KAZN: variants seen among roughly 807,000 people sequenced by gnomAD.
The protein encoded by KAZN is kazrin, periplakin interacting protein.
In KAZN, 40 loss-of-function variants were observed where a neutral mutation model predicts 87.4. The observed-to-expected ratio is 0.46, with a 90% CI of 0.36 to 0.60. The LOEUF is 0.60. Among genes scored for constraint, KAZN ranks in the 20% least tolerant of loss-of-function variants. KAZN has a pLI of 0.00. For synonymous variants in KAZN, 466 were observed against 458.3 expected (o/e 1.02, Z -0.22); for missense variants, 898 against 1,073.9 (o/e 0.84, Z 2.29).
intron 1 of KAZN, among the ~76,000 whole-genome samples, chr1:14,759,301 C>T (rs1017302680): frequency 3.3e-5 from 5 of 152,018 alleles, no homozygotes; most frequent in African/African-American, 9.7e-5. Context: ...TTGGTAGTGC[C>T]GTGGCTATGT....
At chr1:14,246,000 A>C (rs1649469190) in intron 2 of KAZN, among the ~76,000 whole-genome samples, 1 of 152,256 alleles carries the variant, frequency 6.6e-6, no homozygotes, top group East Asian at 1.9e-4. Context: ...TAATGTAGCC[A>C]TAAAAAGGAA....
chr1:14,637,765 A>G (rs907779436), intron 1 of KAZN, among the ~76,000 whole-genome samples: 1 of 151,738 alleles, frequency 6.6e-6, no homozygotes, highest in African/African-American at 2.4e-5. Flanking sequence ...ATATGTATAG[A>G]TGTACATATA....
At chr1:14,049,838 A>G (rs1172807560) in intron 1 of KAZN, among the ~76,000 whole-genome samples, 1 of 152,222 alleles carries the variant, frequency 6.6e-6, no homozygotes, top group East Asian at 1.9e-4. Context: ...AAGAAGCCAG[A>G]CATTGATCAA....
chr1:13,926,070 GT>G (rs201075672), intron 1 of KAZN, among the ~76,000 whole-genome samples: 1 of 151,824 alleles, frequency 6.6e-6, no homozygotes, highest in Admixed American at 6.6e-5. Flanking sequence ...CTCTCCCTTT[GT>G]TTTTTTTCAT....
At chr1:14,867,302 T>G (rs1557570607) in intron 1 of KAZN, among the ~76,000 whole-genome samples, 1 of 152,116 alleles carries the variant, frequency 6.6e-6, no homozygotes, top group African/African-American at 2.4e-5. Flanking sequence ...GGAGATTTAT[T>G]TTGCACTGAG....
At chr1:14,816,495 A>T (rs1646567575) in intron 1 of KAZN, among the ~76,000 whole-genome samples, 2 of 152,094 alleles carry the variant, frequency 1.3e-5, no homozygotes, top group Admixed American at 1.3e-4. Flanking sequence ...GAAGCTTCCC[A>T]TGGTTCTTTG....
chr1:13,969,488 A>C (rs1642062516), intron 1 of KAZN, among the ~76,000 whole-genome samples: 1 of 152,194 alleles, frequency 6.6e-6, no homozygotes, highest in Non-Finnish European at 1.5e-5. Context: ...CTGGAAGCTA[A>C]GTGAGAGGCA....
At chr1:14,799,884 A>AT (rs1409768474) in intron 1 of KAZN, among the ~76,000 whole-genome samples, 1 of 152,174 alleles carries the variant, frequency 6.6e-6, no homozygotes. Context: ...CCTTGAGTTC[A>AT]TTTTTATATC....
intron 2 of KAZN, among the ~76,000 whole-genome samples, chr1:15,019,411 CAG>C (rs1220490052): frequency 3.3e-5 from 5 of 152,280 alleles, no homozygotes; most frequent in Non-Finnish European, 5.9e-5. Flanking sequence ...TTCTTTGAGA[CAG>C]AGTCTTGCTC....
chr1:14,179,270 T>C (rs975615031), intron 1 of KAZN, among the ~76,000 whole-genome samples: 1 of 152,206 alleles, frequency 6.6e-6, no homozygotes, highest in African/African-American at 2.4e-5. Flanking sequence ...AGCTCCTTAA[T>C]TCAGTGACAT....
At chr1:14,007,260 A>G (rs1557777995) in intron 1 of KAZN, among the ~76,000 whole-genome samples, 1 of 152,156 alleles carries the variant, frequency 6.6e-6, no homozygotes, top group Non-Finnish European at 1.5e-5. Context: ...GGTTTTCCAT[A>G]TATAGGATTA....
intron 2 of KAZN, among the ~76,000 whole-genome samples, chr1:14,339,088 CAGAGAGAGACAGAGACTG>C (rs149988321): frequency 0.02 from 2,972 of 152,060 alleles, 41 homozygotes; most frequent in Middle Eastern, 0.041. Context: ...TCAGACGTAA[CAGAGAGAGACAGAGACTG>C]AGAGAGAGAC....
intron 2 of KAZN, among the ~76,000 whole-genome samples, chr1:14,456,496 A>G (rs1345860979): frequency 2.0e-5 from 3 of 152,160 alleles, no homozygotes; most frequent in Non-Finnish European, 2.9e-5. Flanking sequence ...TGGCATGTAT[A>G]GATTTTTAAT....
chr1:14,476,441 G>T (rs1175140535), intron 2 of KAZN, among the ~76,000 whole-genome samples: 1 of 152,158 alleles, frequency 6.6e-6, no homozygotes, highest in African/African-American at 2.4e-5. Context: ...AAGTGAGGGC[G>T]ACCTTTATTA....
chr1:14,293,401 C>T (rs1443945270), intron 2 of KAZN, among the ~76,000 whole-genome samples: 1 of 152,128 alleles, frequency 6.6e-6, no homozygotes, highest in Non-Finnish European at 1.5e-5. Flanking sequence ...CTTCTTCTTC[C>T]TCTGCCTCTT....
At chr1:15,033,984 C>G (rs2100208205) in intron 2 of KAZN, among the ~76,000 whole-genome samples, 1 of 152,358 alleles carries the variant, frequency 6.6e-6, no homozygotes, top group South Asian at 2.1e-4. Flanking sequence ...AAGTGATCGG[C>G]CTGCCTCAGC....
intron 1 of KAZN, among the ~76,000 whole-genome samples, chr1:13,955,928 G>T (rs979279569): frequency 2.8e-4 from 43 of 152,140 alleles, no homozygotes; most frequent in Non-Finnish European, 1.5e-5. Flanking sequence ...TGATTGTAGA[G>T]TCACGCCAGT....
rs555114546 is a variant in KAZN, at chr1:13,963,417, G to A, written c.91+69661G>A. ...TGTTGGATCCAAATCCTCTAGCTAC[G>A]TTGCTGGCTGTGTCCTTATTTAGTT... On this transcript the variant is annotated intron_variant, in intron 1 of 16. Coordinates refer to the KAZN transcript ENST00000636203. 1.8e-4 allele frequency among the ~76,000 whole-genome samples: 27 copies of A among 152,202 alleles called. 1 individual carries two copies. Among genetic ancestry groups the A allele is most frequent in the African/African-American group, 2.9e-4 (12 of 41,444 alleles).
In KAZN at chr1:14,265,883, G is replaced by T. The variant is rs1172755572; in HGVS notation, c.249+85291G>T. On this transcript the variant is annotated intron_variant, in intron 2 of 16. Transcript: ENST00000636203. Reference sequence around the variant, plus strand: ...TTTCCATCTCTCATTGAACTAATTGGAGAGTAACTAACCTTACAAGATTCT... The same window carrying T: ...TTTCCATCTCTCATTGAACTAATTGTAGAGTAACTAACCTTACAAGATTCT... Among the ~76,000 whole-genome samples the T allele has an allele frequency of 2.0e-5, 3 of 152,246 alleles. No homozygotes were observed. In the East Asian group the frequency reaches 5.8e-4, roughly 29 times the overall value.
Sources: allele counts gnomAD v4.1 joint callset (sites outside exome capture counted in the v4.1 genomes callset), GRCh38; gene constraint gnomAD v4.1.1; transcripts MANE v1.5; gene names NCBI Gene and HGNC (gene_info 2026-07-23, HGNC 2026-07-21).